Variants in CELSR1 observed in about 807,000 individuals in gnomAD.
CELSR1 encodes adhesion G protein-coupled receptor C1.
Under a neutral mutation model 249.1 loss-of-function variants are expected in CELSR1, and 110 were observed. That is an observed-to-expected ratio of 0.44 (90% CI 0.38 to 0.52). The LOEUF (loss-of-function observed/expected upper bound fraction) is 0.52. CELSR1 is among the 20% of genes least tolerant of loss of function. The pLI, the probability that CELSR1 is intolerant of heterozygous loss-of-function variation, is 0.00. For synonymous variants in CELSR1, 2,113 were observed against 1,900.0 expected (o/e 1.11, Z -2.92); for missense variants, 4,109 against 4,296.4 (o/e 0.96, Z 1.22).
chr22:46,452,592 T>TC (rs1183973541), intron 2 of CELSR1, among the ~76,000 whole-genome samples: 1 of 152,078 alleles, frequency 6.6e-6, no homozygotes, highest in Non-Finnish European at 1.5e-5. Context: ...CCATCTCGAC[T>TC]CCCCCTGCAG....
chr22:46,433,533 C>A lies in CELSR1; in HGVS notation c.4523-52G>T. On this transcript the variant is annotated intron_variant, in intron 4 of 34. Transcript: ENST00000674500. This position sits in a 1 kb window ranked among gnomAD's most constrained non-coding sequence, Gnocchi z 5.7. ...AGAAAACAGGGGTTGGCGGGGCCTA[C>A]TGGGGACCGAGGATTGCGCTGTGAG... 1 of 1,451,746 alleles carries A rather than the reference C, an allele frequency of 6.9e-7. No homozygotes were observed. The highest frequency in any genetic ancestry group is 9.6e-7 in the Non-Finnish European group (1 of 1,044,422). 89.9% of individuals were successfully genotyped at this position (1,451,746 alleles called of 1,614,324 possible).
chr22:46,513,817 AGTCTTGCTCT>A (rs1485793027), intron 1 of CELSR1, among the ~76,000 whole-genome samples: 1 of 152,058 alleles, frequency 6.6e-6, no homozygotes, highest in African/African-American at 2.4e-5. Context: ...TTTGAGACGG[AGTCTTGCTCT>A]GTCGCCCAGG....
rs377029899 is a variant in CELSR1, at chr22:46,423,252, G to A, written c.4611+10141C>T. Among the ~76,000 whole-genome samples, 22 of 152,302 alleles carry A rather than the reference G, an allele frequency of 1.4e-4. No individual in the cohort carries two copies. In the South Asian group the frequency reaches 4.6e-3, roughly 32 times the overall value. Reference sequence around the variant, plus strand: ...GCCTTCACACAGCCCTGGCTGAATCGCATAGACCAGAAGAACCAGCAGCCA... The same window carrying A: ...GCCTTCACACAGCCCTGGCTGAATCACATAGACCAGAAGAACCAGCAGCCA... On this transcript the variant is annotated intron_variant, in intron 5 of 34. Transcript: ENST00000674500. The surrounding 1 kb of genome is among the most constrained non-coding windows in gnomAD (Gnocchi z 5.6).
Position 46,365,329 on chromosome 22 carries a change from G to A in CELSR1, c.8456C>T (p.Ser2819Phe). Residue 2819 changes from serine to phenylalanine, a missense_variant, in exon 32 of 35, where the codon TCT (serine) becomes TTT (phenylalanine). Transcript: ENST00000674500. Reference sequence around the variant, plus strand: ...GTCTGACGAGTGTGAGGAGGCGTAAGAGCTGCTCTGCTCATCCAGGGACAG... The same window carrying A: ...GTCTGACGAGTGTGAGGAGGCGTAAAAGCTGCTCTGCTCATCCAGGGACAG... ...SELSLDEQSSSYASSHSSDSE... is the reference protein window; with the variant it reads ...SELSLDEQSSFYASSHSSDSE... The A allele has an allele frequency of 1.9e-6, 3 of 1,613,008 alleles. No homozygotes were observed. The highest frequency in any genetic ancestry group is 2.5e-6 in the Non-Finnish European group (3 of 1,179,968).
chr22:46,428,515 C>T lies in CELSR1; in HGVS notation c.4611+4878G>A, dbSNP rs1205266251. 1.3e-5 allele frequency among the ~76,000 whole-genome samples: 2 copies of T among 152,220 alleles called. No individual in the cohort carries two copies. Among genetic ancestry groups the T allele is most frequent in the Admixed American group, 6.5e-5 (1 of 15,288 alleles). On this transcript the variant is annotated intron_variant, in intron 5 of 34. Transcript: ENST00000674500. The surrounding 1 kb of genome is among the most constrained non-coding windows in gnomAD (Gnocchi z 5.7). The stretch of plus-strand genomic sequence containing the variant: ...CTAGCTGAGCTCCCGTCTCACTAGC[C>T]CAGTGGTTCTCATCCAGGGCATGAC...
intron 2 of CELSR1, among the ~76,000 whole-genome samples, chr22:46,458,956 G>T (rs2079988402): frequency 6.6e-6 from 1 of 152,142 alleles, no homozygotes; most frequent in Non-Finnish European, 1.5e-5. Flanking sequence ...GCACTGGCAT[G>T]ATCTCGGGTC....
chr22:46,533,526 C>A, intron 1 of CELSR1, 101 bp downstream of exon 1: 5 of 1,468,382 alleles, frequency 3.4e-6, no homozygotes, highest in South Asian at 1.4e-5. Flanking sequence ...CGGGCCCGGC[C>A]CAATTGCGCC....
rs774697957 is a variant in CELSR1 at position 46,391,799 on chromosome 22, G to T, written c.5982C>A (p.Leu1994=). The change falls in exon 15 of 35, where the codon CTC becomes CTA. Residue 1994 remains leucine, a synonymous_variant. Transcript: ENST00000674500. The surrounding 1 kb of genome is among the most constrained non-coding windows in gnomAD (Gnocchi z 4.3). The part of the protein sequence containing the change: ...QCQCKENYYK[L]LAQDTCLPCD... ...AGGGCAGACAGGTGTCCTGGGCTAG[G>T]AGCTTGTAGTAATTCTCCTGCAAAA... 1.2e-6 allele frequency: 2 copies of T among 1,610,640 alleles called. No homozygotes were observed. The highest frequency in any genetic ancestry group is 1.7e-6 in the Non-Finnish European group (2 of 1,179,246).
intron 1 of CELSR1, among the ~76,000 whole-genome samples, chr22:46,477,659 C>A (rs756496660): frequency 1.3e-5 from 2 of 152,056 alleles, no homozygotes; most frequent in Non-Finnish European, 2.9e-5. Flanking sequence ...AGACGTGGGC[C>A]ACCACGCCAG....
In CELSR1 at chr22:46,395,057, C is replaced by T. The variant is rs2079133472; in HGVS notation, c.5844-795G>A. On this transcript the variant is annotated intron_variant, in intron 13 of 34. Coordinates refer to ENST00000674500, the MANE Select transcript of CELSR1 (RefSeq NM_001378328.1). The surrounding 1 kb of genome is among the most constrained non-coding windows in gnomAD (Gnocchi z 5.5). ...GGCTAACCAAGTTCCCTCCACCCAG[C>T]TGCCAGCCTCTAGCATTCACTCACT... is the stretch of plus-strand genomic sequence containing the variant. 6.6e-6 allele frequency among the ~76,000 whole-genome samples: 1 copy of T among 152,246 alleles called. No homozygotes were observed.
rs573241384 is a variant in CELSR1 at position 46,361,987 on chromosome 22, C to T, written c.*1236G>A. On this transcript the variant is annotated 3_prime_UTR_variant, in exon 35 of 35. Transcript: ENST00000674500. ...GAAGAGTGTGGCTGTGGCTTTGTCC[C>T]TCTGCACAATTGGCCATTTGAAGCA... 33 of 152,366 alleles carry T rather than the reference C, an allele frequency of 2.2e-4. No homozygotes were observed. The highest frequency in any genetic ancestry group is 7.7e-4 in the African/African-American group (32 of 41,582). 9.4% of individuals were successfully genotyped at this position (152,366 alleles called of 1,614,324 possible).
In CELSR1 at chr22:46,526,952, G is replaced by C. The variant is rs887603095; in HGVS notation, c.3544+6675C>G. ...CGGTAAGGACTCTGGCTCAGGGAAC[G>C]AACCTCTCTCAGTTTCACTCTCATC... is the stretch of plus-strand genomic sequence containing the variant. On this transcript the variant is annotated intron_variant, in intron 1 of 34. Coordinates refer to ENST00000674500, the MANE Select transcript of CELSR1 (RefSeq NM_001378328.1). The surrounding 1 kb of genome is among the most constrained non-coding windows in gnomAD (Gnocchi z 4.7). Among the ~76,000 whole-genome samples the C allele has an allele frequency of 6.6e-6, 1 of 152,176 alleles. No individual in the cohort carries two copies. Among genetic ancestry groups the C allele is most frequent in the Non-Finnish European group, 1.5e-5 (1 of 68,032 alleles).
At chr22:46,369,593 G>C in intron 26 of CELSR1, 99 bp downstream of exon 26, 1 of 1,099,242 alleles carries the variant, frequency 9.1e-7, no homozygotes, top group South Asian at 1.4e-5. Context: ...CCCCCCGTCG[G>C]CTGCTCAGAG....
chr22:46,368,189 G>A (rs2078808994), intron 27 of CELSR1, among the ~76,000 whole-genome samples: 1 of 152,206 alleles, frequency 6.6e-6, no homozygotes, highest in Non-Finnish European at 1.5e-5. Context: ...ACCCTGTGGA[G>A]AGGCAAGAGG....
intron 20 of CELSR1, among the ~76,000 whole-genome samples, chr22:46,383,680 C>G (rs2079002783): frequency 6.6e-6 from 1 of 152,110 alleles, no homozygotes; most frequent in Non-Finnish European, 1.5e-5. Flanking sequence ...GCATGCGCCA[C>G]CATGCCCAGG....
In CELSR1 at chr22:46,428,232, A is replaced by G. The variant is rs1487063925; in HGVS notation, c.4611+5161T>C. Among the ~76,000 whole-genome samples, 6 of 152,212 alleles carry G rather than the reference A, an allele frequency of 3.9e-5. No individual in the cohort carries two copies. Among genetic ancestry groups the G allele is most frequent in the African/African-American group, 1.4e-4 (6 of 41,446 alleles). On this transcript the variant is annotated intron_variant, in intron 5 of 34. Coordinates refer to ENST00000674500, the MANE Select transcript of CELSR1 (RefSeq NM_001378328.1). This position sits in a 1 kb window ranked among gnomAD's most constrained non-coding sequence, Gnocchi z 5.7. Reference sequence around the variant, plus strand: ...AAAGACAGCCCCGCGCCATCTCAGAATCACCAGAACCAGAGGAAGCCAAAT... The same window carrying G: ...AAAGACAGCCCCGCGCCATCTCAGAGTCACCAGAACCAGAGGAAGCCAAAT...
Position 46,411,530 on chromosome 22 carries a change from C to A in CELSR1, c.4769+72G>T. On this transcript the variant is annotated intron_variant, in intron 6 of 34. Transcript: ENST00000674500. The surrounding 1 kb of genome is among the most constrained non-coding windows in gnomAD (Gnocchi z 4.2). The stretch of plus-strand genomic sequence containing the variant: ...CCCAGAGTGCCTACGTGGGGCCCTG[C>A]CCTGGGAAGGCCGCAGGGTGAGCAT... The A allele has an allele frequency of 6.3e-7, 1 of 1,575,600 alleles. No homozygotes were observed. Among genetic ancestry groups the A allele is most frequent in the Middle Eastern group, 1.7e-4 (1 of 5,758 alleles).
rs879655408 is a variant in CELSR1, at chr22:46,396,546, G to A, written c.5843+59C>T. On this transcript the variant is annotated intron_variant, in intron 13 of 34. Transcript: ENST00000674500. This position sits in a 1 kb window ranked among gnomAD's most constrained non-coding sequence, Gnocchi z 6.4. ...AATAAGAAAGAGAAGACACTGAGTCGAGGGAACACAGCCACATGGACTCTG... is the reference window on the plus strand; with the variant it reads ...AATAAGAAAGAGAAGACACTGAGTCAAGGGAACACAGCCACATGGACTCTG... The A allele has an allele frequency of 7.7e-6, 11 of 1,425,170 alleles. No individual in the cohort carries two copies. The highest frequency in any genetic ancestry group is 1.5e-5 in the African/African-American group (1 of 67,834). 88.3% of individuals were successfully genotyped at this position (1,425,170 alleles called of 1,614,324 possible).
rs892116282 is a variant in CELSR1 at position 46,526,329 on chromosome 22, C to A, written c.3544+7298G>T. ...CCAAAGCCCCTGAGACGGGCCAGTGCCACGCTAGGCTGCAGGACAGCTAGG... is the reference window on the plus strand; with the variant it reads ...CCAAAGCCCCTGAGACGGGCCAGTGACACGCTAGGCTGCAGGACAGCTAGG... On this transcript the variant is annotated intron_variant, in intron 1 of 34. Transcript: ENST00000674500. This position sits in a 1 kb window ranked among gnomAD's most constrained non-coding sequence, Gnocchi z 4.7. Among the ~76,000 whole-genome samples, 23 of 152,226 alleles carry A rather than the reference C, an allele frequency of 1.5e-4. No individual in the cohort carries two copies. Among genetic ancestry groups the A allele is most frequent in the African/African-American group, 4.8e-4 (20 of 41,456 alleles).
Sources: gnomAD v4.1 joint callset for allele counts (sites outside exome capture counted in the v4.1 genomes callset) on GRCh38, gnomAD v4.1.1 for gene constraint, Gnocchi (gnomAD v3.1) non-coding constraint, MANE v1.5 for transcripts, NCBI Gene and HGNC (gene_info 2026-07-23, HGNC 2026-07-21) for gene names.